The following AHRR variants were observed in gnomAD, a reference collection of about 807,000 sequenced individuals.
AHRR encodes ahR repressor.
Under a neutral mutation model 44.0 loss-of-function variants are expected in AHRR, and 28 were observed. That is an observed-to-expected ratio of 0.64 (90% confidence interval 0.47 to 0.87). AHRR has a LOEUF of 0.87. Among genes scored for constraint, AHRR ranks in the 40% least tolerant of loss-of-function variants. The pLI, the probability that AHRR is intolerant of heterozygous loss-of-function variation, is 0.00. For missense variants in AHRR, 990 were observed against 953.9 expected (o/e 1.04, Z -0.50); for synonymous variants, 434 against 407.0 (o/e 1.07, Z -0.80).
chr5:376,554 A>AGACCCGTGGGG, intron 3 of AHRR, 56 bp from the exon 4 acceptor site: 1 of 301,838 alleles, frequency 3.3e-6, no homozygotes, highest in Non-Finnish European at 5.4e-6. Flanking sequence ...GTGAATGAAG[A>AGACCCGTGGGG]AGAGTGGCCA....
chr5:420,091 G>A (rs1736000244), intron 5 of AHRR, among the ~76,000 whole-genome samples: 1 of 152,230 alleles, frequency 6.6e-6, no homozygotes, highest in Non-Finnish European at 1.5e-5. Context: ...GCTTCCCTCT[G>A]ACGGGCCCTG....
chr5:349,140 C>T (rs907980932), intron 2 of AHRR, among the ~76,000 whole-genome samples: 1 of 152,142 alleles, frequency 6.6e-6, no homozygotes, highest in African/African-American at 2.4e-5. Flanking sequence ...AAATAATTGC[C>T]CGTGTTCTTA....
At chr5:421,635 C>G (rs868112521) in intron 5 of AHRR, among the ~76,000 whole-genome samples, 1 of 152,160 alleles carries the variant, frequency 6.6e-6, no homozygotes, top group Admixed American at 6.5e-5. Context: ...CTTTTCACCT[C>G]GAGGGGTCTC....
At chr5:366,727 A>G (rs1412848959) in intron 3 of AHRR, among the ~76,000 whole-genome samples, 19 of 152,204 alleles carry the variant, frequency 1.2e-4, no homozygotes, top group Non-Finnish European at 2.9e-5. Flanking sequence ...GGCATTGTGC[A>G]CCCCGCAACA....
At chr5:363,266 G>A (rs1021939662) in intron 3 of AHRR, among the ~76,000 whole-genome samples, 1 of 152,212 alleles carries the variant, frequency 6.6e-6, no homozygotes, top group African/African-American at 2.4e-5. Flanking sequence ...ATGGCAGAGA[G>A]CTGGCACATG....
At chr5:339,625 G>A (rs553923207) in intron 1 of AHRR, among the ~76,000 whole-genome samples, 1 of 152,058 alleles carries the variant, frequency 6.6e-6, no homozygotes, top group Non-Finnish European at 1.5e-5. Flanking sequence ...TGGTCTTGGG[G>A]GGAAGCATTT....
intron 2 of AHRR, among the ~76,000 whole-genome samples, chr5:344,308 G>C (rs1260722641): frequency 6.6e-6 from 1 of 150,926 alleles, no homozygotes; most frequent in Non-Finnish European, 1.5e-5. Flanking sequence ...CTCCGCAGGC[G>C]AGACCGCCAC....
At chr5:367,525 C>T (rs941740204) in intron 3 of AHRR, among the ~76,000 whole-genome samples, 5 of 152,222 alleles carry the variant, frequency 3.3e-5, no homozygotes, top group African/African-American at 9.6e-5. Flanking sequence ...ACCGGATGAG[C>T]CAGCCTGGTG....
At position 434,153 on chromosome 5, in the gene AHRR, C is replaced by T. The variant is rs61753896; in HGVS notation, c.1413C>T (p.Val471=). 8.0e-4 allele frequency: 1,285 copies of T among 1,607,912 alleles called. 7 individuals are homozygous for T. The African/African-American group carries it at 0.015, about 19-fold the overall frequency. The change falls in exon 11 of 11, where the codon GTC becomes GTT. Residue 471 remains valine, a synonymous_variant. Transcript: ENST00000684583. ...GGACCAGCAGACCCATGCGGGATGT[C>T]GGTGAGGACCAGGTGCACCCTCCCC... ...SSRTSRPMRD[V]GEDQVHPPLC...
chr5:365,613 AAAG>A (rs1743330316), intron 3 of AHRR, among the ~76,000 whole-genome samples: 1 of 152,188 alleles, frequency 6.6e-6, no homozygotes, highest in Non-Finnish European at 1.5e-5. Context: ...ATGAAATAGA[AAAG>A]AAACATACAA....
chr5:396,490 C>T (rs1734712190), intron 4 of AHRR, among the ~76,000 whole-genome samples: 1 of 152,202 alleles, frequency 6.6e-6, no homozygotes. Flanking sequence ...TGCCTCTGTT[C>T]TGGGCACTTT....
At position 438,214 on chromosome 5, in the gene AHRR, G is replaced by A. The variant is rs1560930294; in HGVS notation, c.*3380G>A. The A allele has an allele frequency of 6.6e-6, 1 of 152,274 alleles. No homozygotes were observed. Among genetic ancestry groups the A allele is most frequent in the African/African-American group, 2.4e-5 (1 of 41,418 alleles). The allele number at this position is 152,274 out of a possible 1,614,324, so 9.4% of individuals were successfully genotyped here. A position where few individuals can be genotyped will look rare whatever the true frequency, so the allele number is the denominator to read the frequency against. ...CTTTAGGAAGCTTTCAAATTTTTTT[G>A]TACTGTGGTTTGTATTAAATTTGCA... On this transcript the variant is annotated 3_prime_UTR_variant, in exon 11 of 11. Coordinates refer to ENST00000684583, the MANE Select transcript of AHRR (RefSeq NM_001377236.1).
intron 7 of AHRR, among the ~76,000 whole-genome samples, chr5:424,336 CT>C (rs1712518962): frequency 7.7e-6 from 1 of 130,292 alleles, no homozygotes; most frequent in Non-Finnish European, 1.6e-5. Context: ...GGGCTGGGCA[CT>C]GAGCTCTGTG....
chr5:433,646 C>T (rs536135147), intron 10 of AHRR, among the ~76,000 whole-genome samples: 1 of 152,298 alleles, frequency 6.6e-6, no homozygotes, highest in South Asian at 2.1e-4. Flanking sequence ...TCACTCGCCC[C>T]AGGCACGCAG....
chr5:403,746 A>C, intron 4 of AHRR: 1 of 1,438,096 alleles, frequency 7.0e-7, no homozygotes, highest in Non-Finnish European at 9.6e-7. Context: ...GATGCAGAAC[A>C]TTTGATTCCT....
In AHRR at chr5:326,216, A is replaced by G. The variant is rs1741706343; in HGVS notation, c.-11+4397A>G. On this transcript the variant is annotated intron_variant, in intron 1 of 10. Transcript: ENST00000684583. The surrounding 1 kb of genome is among the most constrained non-coding windows in gnomAD (Gnocchi z 4.1). ...CTCTCTCTAGCTCCAAAACCTCTTC[A>G]TCGCCTCCGGCAGTGCTCACCCACC... 6.6e-6 allele frequency among the ~76,000 whole-genome samples: 1 copy of G among 152,198 alleles called. No individual in the cohort carries two copies. Among genetic ancestry groups the G allele is most frequent in the South Asian group, 2.1e-4 (1 of 4,838 alleles).
chr5:375,888 C>G (rs115875709), intron 3 of AHRR, among the ~76,000 whole-genome samples: 1 of 152,184 alleles, frequency 6.6e-6, no homozygotes, highest in African/African-American at 2.4e-5. Context: ...GTCATCTGTC[C>G]CCTTCTGCAC....
At chr5:340,680 A>ATATATATATATATATATATATATATC (rs1742303732) in intron 1 of AHRR, among the ~76,000 whole-genome samples, 1 of 24,586 alleles carries the variant, frequency 4.1e-5, no homozygotes, top group Non-Finnish European at 7.4e-5. Context: ...ATATATATAT[A>ATATATATATATATATATATATATATC]TATATATATT....
chr5:425,938 T>TGGAA (rs1736367621), intron 7 of AHRR, among the ~76,000 whole-genome samples: 1 of 152,198 alleles, frequency 6.6e-6, no homozygotes, highest in Non-Finnish European at 1.5e-5. Flanking sequence ...GCGGGTGTCA[T>TGGAA]GGAAGCTCCC....
Sources: allele counts gnomAD v4.1 joint callset (sites outside exome capture counted in the v4.1 genomes callset), GRCh38; gene constraint gnomAD v4.1.1; non-coding constraint Gnocchi (gnomAD v3.1); transcripts MANE v1.5; gene names NCBI Gene and HGNC (gene_info 2026-07-23, HGNC 2026-07-21).